LRP1B: variants seen among roughly 807,000 people sequenced by gnomAD.
The protein encoded by LRP1B is LDL receptor related protein 1B, also known as low-density lipoprotein receptor-related protein 1B.
LRP1B carries 217 observed loss-of-function variants against 556.6 expected under a neutral mutation model. The ratio of observed to expected loss-of-function variants is 0.39; its 90% CI spans 0.35 to 0.44. LRP1B has a LOEUF of 0.44. LRP1B is among the 20% of genes least tolerant of loss of function. LRP1B has a pLI of 1.00. For missense variants in LRP1B, 5,053 were observed against 5,620.8 expected (o/e 0.90, Z 3.23); for synonymous variants, 2,047 against 1,865.8 (o/e 1.10, Z -2.50).
At chr2:141,591,581 GGTGTGTGTGTGT>G (rs72043982) in intron 2 of LRP1B, among the ~76,000 whole-genome samples, 3 of 148,226 alleles carry the variant, frequency 2.0e-5, no homozygotes, top group Non-Finnish European at 4.5e-5. Context: ...ACTGCAGAGT[GGTGTGTGTGTGT>G]GTGTGTGTGT....
chr2:140,532,397 GT>G (rs869109898), intron 47 of LRP1B, among the ~76,000 whole-genome samples: 1 of 150,208 alleles, frequency 6.7e-6, no homozygotes, highest in South Asian at 2.1e-4. Flanking sequence ...GTTTGTTTTG[GT>G]TTTTTTGGGG....
chr2:140,907,277 T>C (rs1180923979), intron 22 of LRP1B, among the ~76,000 whole-genome samples: 3 of 152,128 alleles, frequency 2.0e-5, no homozygotes, highest in Non-Finnish European at 4.4e-5. Context: ...TTCTTTTGTA[T>C]GTGCTGGTTG....
Position 140,815,100 on chromosome 2 carries a change from T to C in LRP1B, c.5210-1294A>G, listed in dbSNP as rs539240305. ...TGCAACCAACTGTTCCTGGGATCTCTCTCAGAGAATAAAGTGAACAAATCA... is the reference window on the plus strand; with the variant it reads ...TGCAACCAACTGTTCCTGGGATCTCCCTCAGAGAATAAAGTGAACAAATCA... On this transcript the variant is annotated intron_variant, in intron 31 of 90. Coordinates refer to ENST00000389484, the MANE Select transcript of LRP1B (RefSeq NM_018557.3). Among the ~76,000 whole-genome samples, 11 of 151,204 alleles carry C rather than the reference T, an allele frequency of 7.3e-5. No individual in the cohort carries two copies. In the South Asian group the frequency reaches 1.9e-3, roughly 26 times the overall value.
chr2:142,058,884 T>G (rs1704787242), intron 1 of LRP1B, among the ~76,000 whole-genome samples: 1 of 152,144 alleles, frequency 6.6e-6, no homozygotes, highest in African/African-American at 2.4e-5. Context: ...CTCATTATTT[T>G]CTGAGTGTGT....
At chr2:140,522,895 TA>T (rs1278659740) in intron 49 of LRP1B, among the ~76,000 whole-genome samples, 1 of 151,696 alleles carries the variant, frequency 6.6e-6, no homozygotes, top group African/African-American at 2.4e-5. Context: ...GAATCAGTAA[TA>T]AAAAATATAC....
At chr2:141,541,251 T>C (rs1365799240) in intron 2 of LRP1B, among the ~76,000 whole-genome samples, 2 of 152,038 alleles carry the variant, frequency 1.3e-5, no homozygotes, top group African/African-American at 4.8e-5. Context: ...ATCAAGAAAG[T>C]GGACTCTGCC....
At chr2:140,419,650 A>G (rs1014829093) in intron 66 of LRP1B, among the ~76,000 whole-genome samples, 3 of 152,220 alleles carry the variant, frequency 2.0e-5, no homozygotes, top group Non-Finnish European at 4.4e-5. Flanking sequence ...AAGCTGGAAT[A>G]TCCCAAATCA....
chr2:141,268,423 G>A (rs1684969071), intron 3 of LRP1B, among the ~76,000 whole-genome samples: 1 of 152,128 alleles, frequency 6.6e-6, no homozygotes, highest in South Asian at 2.1e-4. Flanking sequence ...AAGATAATGA[G>A]AGAGATGATG....
chr2:140,427,295 G>T (rs1195863185), intron 66 of LRP1B, among the ~76,000 whole-genome samples: 3 of 152,020 alleles, frequency 2.0e-5, no homozygotes, highest in African/African-American at 7.3e-5. Context: ...GCCTGCTTTG[G>T]CTGCTTGCTC....
chr2:140,401,797 C>T (rs779120019), intron 66 of LRP1B, among the ~76,000 whole-genome samples: 9 of 152,204 alleles, frequency 5.9e-5, no homozygotes, highest in Non-Finnish European at 1.3e-4. Context: ...AACACTGTGA[C>T]CAGGAAAGAT....
chr2:140,627,560 T>G (rs1227148431), intron 41 of LRP1B, among the ~76,000 whole-genome samples: 2 of 152,180 alleles, frequency 1.3e-5, no homozygotes, highest in Admixed American at 1.3e-4. Context: ...CTTTTGAGGT[T>G]TTTGGAGTCA....
intron 1 of LRP1B, among the ~76,000 whole-genome samples, chr2:142,021,235 A>G (rs79860093): frequency 0.019 from 2,961 of 152,210 alleles, 212 homozygotes; most frequent in Admixed American, 0.13. Flanking sequence ...ACACTACCAA[A>G]TTCTCTCAAG....
At chr2:140,336,956 T>G (rs553060570) in intron 77 of LRP1B, among the ~76,000 whole-genome samples, 1 of 151,968 alleles carries the variant, frequency 6.6e-6, no homozygotes, top group African/African-American at 2.4e-5. Context: ...CAACTAGATG[T>G]GTAATCAATA....
At chr2:140,381,863 A>AAAAG in intron 67 of LRP1B, among the ~76,000 whole-genome samples, 2 of 91,784 alleles carry the variant, frequency 2.2e-5, no homozygotes, top group Non-Finnish European at 2.2e-5. Flanking sequence ...CTCCCTTTCA[A>AAAAG]AAAAAAAAAA....
chr2:141,842,452 T>G (rs1214825642), intron 1 of LRP1B, among the ~76,000 whole-genome samples: 2 of 152,144 alleles, frequency 1.3e-5, no homozygotes, highest in Non-Finnish European at 2.9e-5. Flanking sequence ...TAAGTCATTT[T>G]ATGTCTCTTT....
chr2:140,613,952 A>G (rs1200140339), intron 41 of LRP1B, among the ~76,000 whole-genome samples: 2 of 152,098 alleles, frequency 1.3e-5, no homozygotes, highest in Non-Finnish European at 2.9e-5. Flanking sequence ...AAGGACCTGA[A>G]AGCCATCCAT....
At chr2:141,063,356 T>G (rs956469150) in intron 7 of LRP1B, among the ~76,000 whole-genome samples, 1 of 151,870 alleles carries the variant, frequency 6.6e-6, no homozygotes, top group Admixed American at 6.6e-5. Context: ...TTTAATTTAG[T>G]TCTCTCTGCT....
At chr2:141,473,491 C>T (rs935338009) in intron 3 of LRP1B, among the ~76,000 whole-genome samples, 3 of 152,108 alleles carry the variant, frequency 2.0e-5, no homozygotes, top group Non-Finnish European at 4.4e-5. Flanking sequence ...GGGTCATAGC[C>T]TTTCACTAAA....
At chr2:141,784,161 T>A (rs757158637) in intron 2 of LRP1B, among the ~76,000 whole-genome samples, 81 of 152,070 alleles carry the variant, frequency 5.3e-4, no homozygotes, top group African/African-American at 1.8e-3. Context: ...AAAATGAAAC[T>A]GCAACAAATA....
Sources: allele counts gnomAD v4.1 joint callset (sites outside exome capture counted in the v4.1 genomes callset), GRCh38; gene constraint gnomAD v4.1.1; transcripts MANE v1.5; gene names NCBI Gene and HGNC (gene_info 2026-07-23, HGNC 2026-07-21).